The following MBD5 variants were observed in gnomAD, a reference collection of about 807,000 sequenced individuals.
MBD5 encodes the protein methyl-CpG binding domain protein 5.
MBD5 carries 13 observed loss-of-function variants against 117.3 expected under a neutral mutation model. The observed-to-expected ratio is 0.11, with a 90% CI of 0.07 to 0.18. MBD5 has a LOEUF of 0.18. Ranked by LOEUF, MBD5 falls within the 10% of genes least tolerant of loss-of-function variation. The pLI, the probability that MBD5 is intolerant of heterozygous loss-of-function variation, is 1.00. For missense variants in MBD5, 1,879 were observed against 2,093.8 expected, an observed-to-expected ratio of 0.90 and a Z score of 2.00; for synonymous variants, 727 against 766.4, an observed-to-expected ratio of 0.95 and a Z score of 0.85.
chr2:148,365,496 A>G (rs1222802805), intron 4 of MBD5, among the ~76,000 whole-genome samples: 1 of 152,186 alleles, frequency 6.6e-6, no homozygotes, highest in Admixed American at 6.5e-5. Context: ...ATCAGAGCAG[A>G]ACTGAAGGAG....
chr2:148,236,865 C>A (rs1232636440), intron 3 of MBD5, among the ~76,000 whole-genome samples: 1 of 152,188 alleles, frequency 6.6e-6, no homozygotes, highest in African/African-American at 2.4e-5. Context: ...CACTGAAAAT[C>A]TGGTGTTTAG....
At chr2:148,302,494 G>A (rs966956919) in intron 3 of MBD5, among the ~76,000 whole-genome samples, 4 of 152,192 alleles carry the variant, frequency 2.6e-5, no homozygotes, top group Non-Finnish European at 5.9e-5. Flanking sequence ...TAATAGAGAT[G>A]TAATTTTTTA....
At chr2:148,251,260 C>T (rs1019802499) in intron 3 of MBD5, among the ~76,000 whole-genome samples, 2 of 152,058 alleles carry the variant, frequency 1.3e-5, no homozygotes, top group Admixed American at 6.6e-5. Context: ...CCATTCGACT[C>T]GAGAAATACT....
At chr2:148,043,922 T>TTATACA (rs1694445587) in intron 1 of MBD5, among the ~76,000 whole-genome samples, 1 of 152,240 alleles carries the variant, frequency 6.6e-6, no homozygotes, top group Non-Finnish European at 1.5e-5. Flanking sequence ...GACTGGGATT[T>TTATACA]TCAATTATAG....
intron 2 of MBD5, among the ~76,000 whole-genome samples, chr2:148,185,236 A>T (rs766660785): frequency 7.9e-5 from 12 of 152,174 alleles, no homozygotes; most frequent in Non-Finnish European, 1.6e-4. Context: ...CAGCCAGCAC[A>T]CTTACCAGTT....
intron 3 of MBD5, among the ~76,000 whole-genome samples, chr2:148,322,935 G>A (rs1057372167): frequency 1.1e-4 from 17 of 150,484 alleles, no homozygotes; most frequent in Non-Finnish European, 1.9e-4. Flanking sequence ...ATGCTGGTGC[G>A]CTGCACCCAC....
At chr2:148,243,909 G>T (rs1700277206) in intron 3 of MBD5, 1 of 151,818 alleles carries the variant, frequency 6.6e-6, no homozygotes, top group Non-Finnish European at 1.5e-5. Context: ...TGATTCTATA[G>T]AAAAATCTGG....
chr2:148,380,332 C>T (rs962399152), intron 4 of MBD5, among the ~76,000 whole-genome samples: 1 of 152,098 alleles, frequency 6.6e-6, no homozygotes, highest in African/African-American at 2.4e-5. Context: ...AGAGAATATA[C>T]ATTCTTTTCA....
intron 11 of MBD5, chr2:148,490,934 C>A: frequency 3.1e-6 from 1 of 326,248 alleles, no homozygotes. Context: ...AGGCAAGTGT[C>A]AATGACTGGG....
At chr2:148,105,588 T>C (rs1378845159) in intron 1 of MBD5, among the ~76,000 whole-genome samples, 1 of 152,188 alleles carries the variant, frequency 6.6e-6, no homozygotes, top group Non-Finnish European at 1.5e-5. Flanking sequence ...CTTACTGCTT[T>C]TTGTAAATCT....
chr2:148,336,260 G>A (rs1431623249), intron 3 of MBD5, among the ~76,000 whole-genome samples: 3 of 152,002 alleles, frequency 2.0e-5, no homozygotes, highest in African/African-American at 7.2e-5. Flanking sequence ...GTCTTTTCCT[G>A]GTACCCCCAC....
chr2:148,089,224 G>A (rs1006320652), intron 1 of MBD5, among the ~76,000 whole-genome samples: 40 of 151,970 alleles, frequency 2.6e-4, no homozygotes, highest in African/African-American at 4.3e-4. Context: ...CTAGGCCTAA[G>A]AAATAAGATA....
At chr2:148,356,319 T>G (rs905864811) in intron 4 of MBD5, among the ~76,000 whole-genome samples, 2 of 152,142 alleles carry the variant, frequency 1.3e-5, no homozygotes, top group Non-Finnish European at 2.9e-5. Context: ...AAATAGCAAC[T>G]TCCCATGCCT....
intron 2 of MBD5, among the ~76,000 whole-genome samples, chr2:148,213,557 T>C (rs2106023543): frequency 6.6e-6 from 1 of 152,282 alleles, no homozygotes; most frequent in South Asian, 2.1e-4. Context: ...TAAATTTAAG[T>C]TGCCGCATCA....
At chr2:148,379,256 A>G (rs1704068729) in intron 4 of MBD5, among the ~76,000 whole-genome samples, 2 of 152,270 alleles carry the variant, frequency 1.3e-5, no homozygotes, top group South Asian at 4.1e-4. Flanking sequence ...TGCTCAAAGC[A>G]GCTTAAGGGG....
chr2:148,468,875 A>G lies in MBD5; in HGVS notation c.932A>G (p.Lys311Arg). The G allele has an allele frequency of 1.9e-6, 3 of 1,614,006 alleles. No homozygotes were observed. The highest frequency in any genetic ancestry group is 1.3e-5 in the African/African-American group (1 of 75,030). ...TTGACTACAAAGAGTCCAGTAATGA[A>G]AAAACCAATGTGTAATTTTTCAACT... ...PTLTTKSPVM[K>R]KPMCNFSTNM... Residue 311 changes from lysine (K) to arginine (R), a missense_variant, in exon 8 of 14, where the codon AAA becomes AGA. Physicochemically the swap from Lys to Arg is conservative, Grantham distance 26. Transcript: ENST00000642680.
At chr2:148,144,749 G>A (rs965015830) in intron 1 of MBD5, among the ~76,000 whole-genome samples, 1 of 152,186 alleles carries the variant, frequency 6.6e-6, no homozygotes, top group African/African-American at 2.4e-5. Context: ...TCAAAGATTA[G>A]ATGGTTGTAG....
chr2:148,079,024 C>A (rs1695576418), intron 1 of MBD5, among the ~76,000 whole-genome samples: 2 of 152,214 alleles, frequency 1.3e-5, no homozygotes, highest in African/African-American at 4.8e-5. Flanking sequence ...TCACTCATCT[C>A]CCTATGGTAG....
intron 4 of MBD5, among the ~76,000 whole-genome samples, chr2:148,426,250 C>T (rs1393663012): frequency 5.3e-5 from 8 of 152,114 alleles, no homozygotes; most frequent in Admixed American, 1.3e-4. Flanking sequence ...AGATTCAATG[C>T]CATCCCCATT....
Sources: allele counts gnomAD v4.1 joint callset (sites outside exome capture counted in the v4.1 genomes callset), GRCh38; gene constraint gnomAD v4.1.1; transcripts MANE v1.5; gene names NCBI Gene and HGNC (gene_info 2026-07-23, HGNC 2026-07-21).